The following ANXA6 variants were observed in gnomAD, a reference collection of about 807,000 sequenced individuals.
ANXA6 encodes the protein annexin A6.
Under a neutral mutation model 95.4 loss-of-function variants are expected in ANXA6, and 71 were observed. The observed-to-expected ratio is 0.74, with a 90% CI of 0.61 to 0.91. The LOEUF (loss-of-function observed/expected upper bound fraction) is 0.91, where lower values mean the gene tolerates loss of function less well. ANXA6 is among the 40% of genes least tolerant of loss of function. The pLI is 0.00. For synonymous variants in ANXA6, 289 were observed against 315.9 expected (o/e 0.91, Z 0.90); for missense variants, 830 against 876.4 (o/e 0.95, Z 0.67).
intron 17 of ANXA6, among the ~76,000 whole-genome samples, chr5:151,121,612 A>G (rs1765170886): frequency 6.6e-6 from 1 of 152,184 alleles, no homozygotes; most frequent in African/African-American, 2.4e-5. Context: ...GGGAAGTGTA[A>G]GGAATGGCCC....
chr5:151,127,578 C>T (rs1581998072), intron 13 of ANXA6, among the ~76,000 whole-genome samples: 1 of 152,222 alleles, frequency 6.6e-6, no homozygotes, highest in Non-Finnish European at 1.5e-5. Context: ...TCTTCCCCTT[C>T]CTCCTTGGGT....
chr5:151,128,466 C>T (rs1451598281), intron 12 of ANXA6: 5 of 517,910 alleles, frequency 9.7e-6, no homozygotes, highest in Admixed American at 6.4e-5. Flanking sequence ...GTAAATACTT[C>T]TAGCAATGGA....
At chr5:151,120,377 A>G (rs1278522123) in intron 17 of ANXA6, among the ~76,000 whole-genome samples, 1 of 147,304 alleles carries the variant, frequency 6.8e-6, no homozygotes, top group Non-Finnish European at 1.5e-5. Context: ...GACACCTATT[A>G]TGTGCTAGCC....
intron 18 of ANXA6, among the ~76,000 whole-genome samples, chr5:151,118,646 T>A (rs895952364): frequency 1.3e-5 from 2 of 152,068 alleles, no homozygotes; most frequent in Non-Finnish European, 1.5e-5. Context: ...GTTAGCCAAG[T>A]TGGTCTTGAA....
rs1765596739 is a variant in ANXA6, at chr5:151,134,293, A to G, written c.546+134T>C. The G allele has an allele frequency of 1.1e-5, 9 of 823,064 alleles. No homozygotes were observed. The Admixed American group carries it at 1.3e-4, about 12-fold the overall frequency. The allele number at this position is 823,064 out of a possible 1,614,324, so 51.0% of individuals were successfully genotyped here. A position where few individuals can be genotyped will look rare whatever the true frequency, so the allele number is the denominator to read the frequency against. ...TTTCTTCAACAAAGCACCGGTATACATGACAGCTGTGGCTGGGTTATTTCT... is the reference window on the plus strand; with the variant it reads ...TTTCTTCAACAAAGCACCGGTATACGTGACAGCTGTGGCTGGGTTATTTCT... On this transcript the variant is annotated intron_variant, in intron 8 of 25. Coordinates refer to ENST00000354546, the MANE Select transcript of ANXA6 (RefSeq NM_001155.5).
At chr5:151,106,166 T>C (rs1018405234) in intron 23 of ANXA6, among the ~76,000 whole-genome samples, 2 of 152,172 alleles carry the variant, frequency 1.3e-5, no homozygotes, top group African/African-American at 4.8e-5. Context: ...CTACCCTGGC[T>C]GCAGATAATG....
At chr5:151,105,059 C>CG (rs1019265248) in intron 24 of ANXA6, among the ~76,000 whole-genome samples, 186 bp downstream of exon 24, 7 of 152,156 alleles carry the variant, frequency 4.6e-5, no homozygotes, top group African/African-American at 1.7e-4. Context: ...CGGGGGAAGG[C>CG]GGGGGAAATC....
intron 20 of ANXA6, among the ~76,000 whole-genome samples, chr5:151,114,987 C>T (rs1171200456): frequency 1.3e-5 from 2 of 152,182 alleles, no homozygotes; most frequent in African/African-American, 4.8e-5. Context: ...ATACATTTTG[C>T]TCCCACATTT....
At chr5:151,118,439 TTTTG>T (rs1765067323) in intron 18 of ANXA6, among the ~76,000 whole-genome samples, 3 of 151,914 alleles carry the variant, frequency 2.0e-5, no homozygotes, top group Non-Finnish European at 4.4e-5. Flanking sequence ...TTTTTTTGTT[TTTTG>T]TTTTTTTTGA....
intron 7 of ANXA6, 46 bp from the exon 8 acceptor site, chr5:151,134,529 A>G: frequency 6.2e-7 from 1 of 1,604,190 alleles, no homozygotes. Flanking sequence ...CTGCAAAGTC[A>G]GGAGGGAGGC....
At chr5:151,109,132 T>TGG (rs112500024) in intron 22 of ANXA6, among the ~76,000 whole-genome samples, 23,994 of 151,978 alleles carry the variant, frequency 0.16, 2,183 homozygotes, top group African/African-American at 0.25. Flanking sequence ...GGCTGTTAAG[T>TGG]GGGGGATTCA....
At chr5:151,128,751 T>C (rs188283921) in intron 12 of ANXA6, among the ~76,000 whole-genome samples, 2 of 152,376 alleles carry the variant, frequency 1.3e-5, no homozygotes, top group East Asian at 3.9e-4. Context: ...CTTCAAAATG[T>C]GAAAGGCTGT....
rs117481576 is a variant in ANXA6 at position 151,153,704 on chromosome 5, A to T, written c.-26+3976T>A. Among the ~76,000 whole-genome samples, 41 of 152,320 alleles carry T rather than the reference A, an allele frequency of 2.7e-4. 1 individual carries two copies. The East Asian group carries it at 6.7e-3, about 25-fold the overall frequency. On this transcript the variant is annotated intron_variant, in intron 1 of 25. Transcript: ENST00000354546. ...TGGTAACACAAAGTAATTCTAATAC[A>T]TACTCCTTGCCCTATTTTGTAAAGG...
chr5:151,124,115 GC>G (rs1208959921), intron 15 of ANXA6, among the ~76,000 whole-genome samples, 170 bp downstream of exon 15: 1 of 152,100 alleles, frequency 6.6e-6, no homozygotes, highest in East Asian at 1.9e-4. Context: ...ACCCTCTCCT[GC>G]CCCTCCTCTC....
intron 1 of ANXA6, among the ~76,000 whole-genome samples, chr5:151,151,828 A>G (rs1334925786): frequency 1.3e-5 from 2 of 152,244 alleles, no homozygotes; most frequent in Admixed American, 1.3e-4. Context: ...GGGTCATTCC[A>G]GACCTGTGCC....
chr5:151,129,026 T>C (rs1189453774), intron 12 of ANXA6, among the ~76,000 whole-genome samples: 1 of 150,930 alleles, frequency 6.6e-6, no homozygotes, highest in Non-Finnish European at 1.5e-5. Flanking sequence ...TGTCCCAGAG[T>C]CATCACCAAT....
chr5:151,104,663 C>T (rs1478106529), intron 24 of ANXA6, among the ~76,000 whole-genome samples: 1 of 152,208 alleles, frequency 6.6e-6, no homozygotes, highest in East Asian at 1.9e-4. Context: ...TACCCTCCCA[C>T]CTGCCCAGGC....
intron 20 of ANXA6, among the ~76,000 whole-genome samples, chr5:151,111,298 G>C (rs934902461): frequency 2.6e-5 from 4 of 152,204 alleles, no homozygotes; most frequent in East Asian, 1.9e-4. Flanking sequence ...GTGACTTGGA[G>C]AGCCTGGGAA....
At chr5:151,125,013 G>A (rs772327765) in intron 14 of ANXA6, among the ~76,000 whole-genome samples, 9 of 152,208 alleles carry the variant, frequency 5.9e-5, no homozygotes, top group Non-Finnish European at 1.2e-4. Flanking sequence ...TATCCCAGGT[G>A]CCTACAACAG....
Sources: gnomAD v4.1 joint callset for allele counts (sites outside exome capture counted in the v4.1 genomes callset) on GRCh38, gnomAD v4.1.1 for gene constraint, MANE v1.5 for transcripts, NCBI Gene and HGNC (gene_info 2026-07-23, HGNC 2026-07-21) for gene names.